The following GALNT13 variants were observed in gnomAD, a reference collection of about 807,000 sequenced individuals.
GALNT13 encodes UDP-GalNAc:polypeptide N-acetylgalactosaminyltransferase 13.
A neutral mutation model predicts 64.2 loss-of-function variants in GALNT13; 28 were observed. The observed-to-expected ratio is 0.44, with a 90% CI of 0.32 to 0.60. The LOEUF (loss-of-function observed/expected upper bound fraction) is 0.60. Ranked by LOEUF, GALNT13 falls within the 20% of genes least tolerant of loss-of-function variation. The probability of loss-of-function intolerance (pLI) is 0.05; values close to 1 mark genes in which losing one functional copy is unlikely to be tolerated. For missense variants in GALNT13, 577 were observed against 669.8 expected (o/e 0.86, Z 1.53); for synonymous variants, 214 against 224.6 (o/e 0.95, Z 0.42).
chr2:154,151,832 G>T (rs1213168177), intron 4 of GALNT13, among the ~76,000 whole-genome samples: 1 of 152,146 alleles, frequency 6.6e-6, no homozygotes, highest in Non-Finnish European at 1.5e-5. Flanking sequence ...GTGTCTGCAT[G>T]TGAGATGGGT....
intron 2 of GALNT13, among the ~76,000 whole-genome samples, chr2:153,926,111 G>A (rs371966013): frequency 1.3e-5 from 2 of 151,824 alleles, no homozygotes; most frequent in Non-Finnish European, 2.9e-5. Context: ...AGGAGACAAC[G>A]CTTTTCTAAA....
At chr2:153,334,571 A>T in the GALNT13 span, among the ~76,000 whole-genome samples, 1 of 152,090 alleles carries the variant, frequency 6.6e-6, no homozygotes, top group African/African-American at 2.4e-5. Flanking sequence ...ATTTTGGCAA[A>T]CCACTCATGT....
chr2:154,149,727 TTGTC>T (rs1349674002), intron 4 of GALNT13, among the ~76,000 whole-genome samples: 2 of 152,160 alleles, frequency 1.3e-5, no homozygotes, highest in Non-Finnish European at 2.9e-5. Flanking sequence ...GGCTCTCTGT[TTGTC>T]TGTTATTGGT....
the GALNT13 span, among the ~76,000 whole-genome samples, chr2:153,785,449 C>T: frequency 1.2e-4 from 19 of 152,112 alleles, no homozygotes; most frequent in African/African-American, 3.4e-4. Flanking sequence ...AAATCTGAGG[C>T]GACTATGGAC....
intron 2 of GALNT13, among the ~76,000 whole-genome samples, chr2:153,937,041 C>T (rs1307158839): frequency 6.6e-6 from 1 of 152,084 alleles, no homozygotes; most frequent in Non-Finnish European, 1.5e-5. Flanking sequence ...TTAACAGGAA[C>T]CACCTGCCTT....
intron 4 of GALNT13, among the ~76,000 whole-genome samples, chr2:154,176,240 ATTATTTAT>A (rs3075864): frequency 0.07 from 9,312 of 132,670 alleles, 485 homozygotes; most frequent in African/African-American, 0.14. Flanking sequence ...GAACATATAT[ATTATTTAT>A]TTATTTATTT....
the GALNT13 span, among the ~76,000 whole-genome samples, chr2:153,407,134 C>G: frequency 6.6e-6 from 1 of 152,046 alleles, no homozygotes. Context: ...AAAACCTGGT[C>G]TCATAACTTG....
the GALNT13 span, among the ~76,000 whole-genome samples, chr2:153,518,904 T>C: frequency 6.6e-6 from 1 of 152,118 alleles, no homozygotes; most frequent in Non-Finnish European, 1.5e-5. Context: ...AGTACTGTAA[T>C]TGGGTACTGT....
chr2:153,770,548 G>C, the GALNT13 span, among the ~76,000 whole-genome samples: 1 of 152,194 alleles, frequency 6.6e-6, no homozygotes, highest in Non-Finnish European at 1.5e-5. Flanking sequence ...GTTTCTCCTC[G>C]AGGCCAGTGG....
the GALNT13 span, among the ~76,000 whole-genome samples, chr2:153,120,850 T>C: frequency 6.6e-6 from 1 of 152,106 alleles, no homozygotes; most frequent in African/African-American, 2.4e-5. Flanking sequence ...GAGAGAAAGC[T>C]TTCTGTTAAC....
At chr2:153,451,567 T>C in the GALNT13 span, among the ~76,000 whole-genome samples, 5 of 152,198 alleles carry the variant, frequency 3.3e-5, no homozygotes, top group African/African-American at 1.2e-4. Context: ...TTATGCAGTA[T>C]AGAAAGAGAA....
intron 3 of GALNT13, among the ~76,000 whole-genome samples, chr2:154,072,600 A>T (rs1700790889): frequency 6.6e-6 from 1 of 151,962 alleles, no homozygotes; most frequent in African/African-American, 2.4e-5. Context: ...TCTCCTTTAC[A>T]GTGTGTCACC....
At chr2:154,268,906 C>T (rs1398559747) in intron 8 of GALNT13, among the ~76,000 whole-genome samples, 1 of 152,036 alleles carries the variant, frequency 6.6e-6, no homozygotes, top group African/African-American at 2.4e-5. Flanking sequence ...TTAAAATAAG[C>T]TCTTTTGTCA....
chr2:153,750,653 G>C, the GALNT13 span, among the ~76,000 whole-genome samples: 3 of 151,566 alleles, frequency 2.0e-5, no homozygotes, highest in Non-Finnish European at 4.4e-5. Flanking sequence ...GAATTTCTGG[G>C]ATAGCAGTTG....
the GALNT13 span, among the ~76,000 whole-genome samples, chr2:153,223,065 A>T: frequency 1.3e-5 from 2 of 152,358 alleles, no homozygotes; most frequent in East Asian, 1.9e-4. Flanking sequence ...GCCTCTCCAG[A>T]TGGGCCGCCG....
rs749042290 is a variant in GALNT13, at chr2:154,043,415, TATATATATATATATATA to T, written c.143-96921_143-96905del. ...CTGTCAACACTACTATAAGGACTTT[TATATATATATATATATA>T]TATATATATATATATATATATATAC... On this transcript the variant is annotated intron_variant, in intron 3 of 12. Coordinates refer to ENST00000392825, the MANE Select transcript of GALNT13 (RefSeq NM_052917.4). Among the ~76,000 whole-genome samples the T allele has an allele frequency of 0.017, 1,419 of 83,554 alleles. 89 individuals carry two copies. In the East Asian group the frequency reaches 0.22, roughly 13 times the overall value. 54.8% of individuals were successfully genotyped at this position (83,554 alleles called of 152,430 possible).
intron 3 of GALNT13, among the ~76,000 whole-genome samples, chr2:154,009,916 T>C (rs1285010224): frequency 2.1e-5 from 3 of 144,224 alleles, no homozygotes. Context: ...GGTTGTTTTG[T>C]GGTTATTGTG....
At chr2:153,404,088 T>C in the GALNT13 span, among the ~76,000 whole-genome samples, 1 of 152,176 alleles carries the variant, frequency 6.6e-6, no homozygotes, top group African/African-American at 2.4e-5. Flanking sequence ...TGATGTAGGC[T>C]CATTGGTGTG....
At chr2:153,683,589 T>G in the GALNT13 span, among the ~76,000 whole-genome samples, 14 of 151,676 alleles carry the variant, frequency 9.2e-5, no homozygotes, top group African/African-American at 3.4e-4. Flanking sequence ...GTGTTAGATA[T>G]CTAAGACGAC....
Sources: gnomAD v4.1 joint callset for allele counts (sites outside exome capture counted in the v4.1 genomes callset) on GRCh38, gnomAD v4.1.1 for gene constraint, MANE v1.5 for transcripts, NCBI Gene and HGNC (gene_info 2026-07-23, HGNC 2026-07-21) for gene names.